The following CD3E variants were observed in gnomAD, a reference collection of about 807,000 sequenced individuals.
CD3E encodes the protein CD3 epsilon subunit of T-cell receptor complex.
Under a neutral mutation model 34.7 loss-of-function variants are expected in CD3E, and 16 were observed. The observed-to-expected ratio is 0.46, with a 90% CI of 0.31 to 0.70. CD3E has a LOEUF of 0.70. Ranked by LOEUF, CD3E falls within the 30% of genes least tolerant of loss-of-function variation. CD3E has a pLI of 0.05. For synonymous variants in CD3E, 70 were observed against 90.8 expected (o/e 0.77, Z 1.30); for missense variants, 223 against 253.9 (o/e 0.88, Z 0.83).
At position 118,313,672 on chromosome 11, in the gene CD3E, A is replaced by C. The variant is rs201004100; in HGVS notation, c.353-35A>C. 2.6e-5 allele frequency: 41 copies of C among 1,606,638 alleles called. No individual in the cohort carries two copies. In the Middle Eastern group the frequency reaches 5.0e-4, roughly 19 times the overall value. On this transcript the variant is annotated intron_variant, in intron 6 of 8. Transcript: ENST00000361763. The stretch of plus-strand genomic sequence containing the variant: ...CCAGCGCCTTGTGTTTTCCTTGCTT[A>C]GTGATTTCCCCTCTCCCCACCCCAC...
chr11:118,312,018 C>T, intron 4 of CD3E, 135 bp from the exon 5 acceptor site: 5 of 771,788 alleles, frequency 6.5e-6, no homozygotes, highest in Middle Eastern at 3.6e-4. Context: ...CTCCAAGACT[C>T]GGGGTTCCTA....
intron 3 of CD3E, among the ~76,000 whole-genome samples, 170 bp downstream of exon 3, chr11:118,307,478 C>T (rs1382145207): frequency 2.6e-5 from 4 of 152,020 alleles, no homozygotes; most frequent in African/African-American, 9.7e-5. Flanking sequence ...ATATTTCTAG[C>T]CCAGAAGAGG....
chr11:118,312,128 T>A (rs1430192120), intron 4 of CD3E, 25 bp from the exon 5 acceptor site: 1 of 1,605,476 alleles, frequency 6.2e-7, no homozygotes. Context: ...ATTTTCTTAC[T>A]GCTGTTTCCT....
intron 7 of CD3E, 101 bp downstream of exon 7, chr11:118,313,975 T>A: frequency 1.8e-6 from 2 of 1,096,356 alleles, no homozygotes; most frequent in Non-Finnish European, 2.7e-6. Flanking sequence ...GAACAGCTTC[T>A]CTAGAGCTTC....
intron 8 of CD3E, 131 bp downstream of exon 8, chr11:118,314,625 C>T: frequency 1.3e-6 from 1 of 778,582 alleles, no homozygotes; most frequent in Non-Finnish European, 2.2e-6. Context: ...CATTACAACC[C>T]TCTATGTGCC....
intron 4 of CD3E, among the ~76,000 whole-genome samples, chr11:118,309,298 G>A (rs149103197): frequency 2.6e-5 from 4 of 152,240 alleles, no homozygotes; most frequent in African/African-American, 4.8e-5. Context: ...TAGGAGGGCC[G>A]GGCATGGTGG....
chr11:118,306,494 A>G (rs1380811389), intron 2 of CD3E, among the ~76,000 whole-genome samples: 1 of 17,436 alleles, frequency 5.7e-5, no homozygotes, highest in Non-Finnish European at 1.5e-4. Context: ...TAGATAAATA[A>G]ATAAATAAAT....
In CD3E at chr11:118,307,272, CTTAT is replaced by C. The variant is rs764178757; in HGVS notation, c.50-9_50-6del. On this transcript the variant is annotated splice_polypyrimidine_tract_variant and intron_variant, in intron 2 of 8. Coordinates refer to ENST00000361763, the MANE Select transcript of CD3E (RefSeq NM_000733.4). ...CAACATTTACTAACACTTTTTTTTT[CTTAT>C]TTATTTTCTAGTTGGCGTTTGGGGG... 6 of 1,591,840 alleles carry C rather than the reference CTTAT, an allele frequency of 3.8e-6. No homozygotes were observed. The South Asian group carries it at 5.6e-5, about 15-fold the overall frequency.
Position 118,314,505 on chromosome 11 carries a change from A to C in CD3E, c.567+11A>C. On this transcript the variant is annotated intron_variant, in intron 8 of 8. Transcript: ENST00000361763. Reference sequence around the variant, plus strand: ...AACCCAGACTATGAGGTAACGTGGGATAGAAATGGGCCAGGACGCTGGAGG... The same window carrying C: ...AACCCAGACTATGAGGTAACGTGGGCTAGAAATGGGCCAGGACGCTGGAGG... 6.2e-7 allele frequency: 1 copy of C among 1,613,452 alleles called. No individual in the cohort carries two copies. Among genetic ancestry groups the C allele is most frequent in the Non-Finnish European group, 8.5e-7 (1 of 1,179,414 alleles).
rs1948139187 is a variant in CD3E at position 118,312,179 on chromosome 11, A to G, written c.103+9A>G. The G allele has an allele frequency of 1.2e-6, 2 of 1,610,342 alleles. No homozygotes were observed. The highest frequency in any genetic ancestry group is 3.3e-5 in the Admixed American group (2 of 59,994). ...TGGTATTACACAGACACGTGAGTTT[A>G]TTGGTCTTTTATTTATGCCCTGTCT... On this transcript the variant is annotated intron_variant, in intron 5 of 8. Coordinates refer to ENST00000361763, the MANE Select transcript of CD3E (RefSeq NM_000733.4).
intron 7 of CD3E, 48 bp downstream of exon 7, chr11:118,313,922 AC>A (rs1171810932): frequency 6.2e-7 from 1 of 1,602,172 alleles, no homozygotes; most frequent in South Asian, 1.1e-5. Context: ...AAGGGGGACG[AC>A]CAGCCTGGGC....
At chr11:118,305,891 G>T (rs2134760317) in intron 2 of CD3E, among the ~76,000 whole-genome samples, 1 of 152,268 alleles carries the variant, frequency 6.6e-6, no homozygotes, top group Middle Eastern at 3.4e-3. Context: ...TATCACAGCT[G>T]GTGCTCCCGT....
chr11:118,313,324 G>A, intron 6 of CD3E: 1 of 370,100 alleles, frequency 2.7e-6, no homozygotes, highest in East Asian at 6.6e-5. Flanking sequence ...CTCAAGCACT[G>A]TCTGTACCCA....
At chr11:118,306,451 A>G (rs964880736) in intron 2 of CD3E, among the ~76,000 whole-genome samples, 23 of 151,934 alleles carry the variant, frequency 1.5e-4, no homozygotes, top group Non-Finnish European at 3.1e-4. Context: ...GCCATGATCA[A>G]GCCACTGCAC....
rs1164244480 is a variant in CD3E, at chr11:118,306,517, A to AAATC, written c.50-768_50-767insCAAT. Among the ~76,000 whole-genome samples, 199 of 85,920 alleles carry AAATC rather than the reference A, an allele frequency of 2.3e-3. 1 individual carries two copies. Among genetic ancestry groups the AAATC allele is most frequent in the African/African-American group, 7.5e-3 (194 of 25,776 alleles). 56.4% of individuals were successfully genotyped at this position (85,920 alleles called of 152,430 possible). A position where few individuals can be genotyped will look rare whatever the true frequency, so the allele number is the denominator to read the frequency against. On this transcript the variant is annotated intron_variant, in intron 2 of 8. Coordinates refer to ENST00000361763, the MANE Select transcript of CD3E (RefSeq NM_000733.4). ...TAAATAAATAAATAAATAAATAAAT[A>AAATC]AATAAATAAAAGAGACAGTATCAAA...
intron 2 of CD3E, 84 bp from the exon 3 acceptor site, chr11:118,307,204 A>G: frequency 9.7e-7 from 1 of 1,027,562 alleles, no homozygotes; most frequent in East Asian, 2.4e-5. Flanking sequence ...CAGTGGTCAT[A>G]CTGCAACACA....
intron 3 of CD3E, 136 bp from the exon 4 acceptor site, chr11:118,308,291 T>C: frequency 2.7e-6 from 2 of 737,294 alleles, no homozygotes; most frequent in South Asian, 1.5e-5. Flanking sequence ...TAACAGCTTT[T>C]TCTATGCAGC....
intron 8 of CD3E, among the ~76,000 whole-genome samples, chr11:118,314,699 G>C (rs1948155924): frequency 6.6e-6 from 1 of 152,120 alleles, no homozygotes; most frequent in Non-Finnish European, 1.5e-5. Flanking sequence ...CACAACCATG[G>C]AGAGGTGGAA....
chr11:118,313,224 CA>C (rs1948146196), intron 6 of CD3E: 3 of 371,032 alleles, frequency 8.1e-6, no homozygotes, highest in Non-Finnish European at 1.5e-5. Flanking sequence ...TTGCAAAAAA[CA>C]CTCAAGGCCA....
Sources: allele counts gnomAD v4.1 joint callset (sites outside exome capture counted in the v4.1 genomes callset), GRCh38; gene constraint gnomAD v4.1.1; transcripts MANE v1.5; gene names NCBI Gene and HGNC (gene_info 2026-07-23, HGNC 2026-07-21).